ARHGEF3: variants seen among roughly 807,000 people sequenced by gnomAD.
The protein encoded by ARHGEF3 is 59.8 kDA protein.
In ARHGEF3, 28 loss-of-function variants were observed where a neutral mutation model predicts 63.2. The observed-to-expected ratio is 0.44, with a 90% CI of 0.33 to 0.61. The LOEUF is 0.61. ARHGEF3 is among the 20% of genes least tolerant of loss of function. The pLI, the probability that ARHGEF3 is intolerant of heterozygous loss-of-function variation, is 0.03. For missense variants in ARHGEF3, 533 were observed against 659.3 expected, an observed-to-expected ratio of 0.81 and a Z score of 2.10; for synonymous variants, 266 against 254.2, an observed-to-expected ratio of 1.05 and a Z score of -0.44.
At chr3:56,801,590 G>C (rs1366114427) in intron 1 of ARHGEF3, 113 bp downstream of exon 1, 3 of 1,354,450 alleles carry the variant, frequency 2.2e-6, no homozygotes, top group Non-Finnish European at 3.0e-6. Flanking sequence ...CACACGGAGA[G>C]TGAGAGATGG....
chr3:56,901,426 GTAC>G (rs2041502944), intron 3 of ARHGEF3, among the ~76,000 whole-genome samples: 1 of 151,330 alleles, frequency 6.6e-6, no homozygotes, highest in Non-Finnish European at 1.5e-5. Context: ...ATACGTATAT[GTAC>G]ATATATATAC....
At chr3:57,063,140 A>G (rs983660169) in intron 1 of ARHGEF3, among the ~76,000 whole-genome samples, 4 of 152,212 alleles carry the variant, frequency 2.6e-5, no homozygotes, top group African/African-American at 9.6e-5. Context: ...CATTTTGGGC[A>G]GCGGGAATAG....
chr3:56,968,305 T>A (rs1366256303), intron 2 of ARHGEF3, among the ~76,000 whole-genome samples: 6 of 57,810 alleles, frequency 1.0e-4, no homozygotes, highest in South Asian at 8.7e-4. Context: ...TAATATATAA[T>A]ATATATAAAA....
At chr3:56,775,090 A>T (rs1361780064) in intron 1 of ARHGEF3, 1 of 1,551,170 alleles carries the variant, frequency 6.4e-7, no homozygotes, top group Non-Finnish European at 8.7e-7. Flanking sequence ...AAAGTAGCCA[A>T]TTGTGGTGGC....
At chr3:56,790,896 C>G (rs1464639630) in intron 1 of ARHGEF3, among the ~76,000 whole-genome samples, 1 of 152,150 alleles carries the variant, frequency 6.6e-6, no homozygotes, top group Non-Finnish European at 1.5e-5. Flanking sequence ...CATGGCAAGT[C>G]CAAAACATTC....
Position 57,059,865 on chromosome 3 carries a change from A to G in ARHGEF3, c.-28+19361T>C, listed in dbSNP as rs149476198. 0.013 allele frequency among the ~76,000 whole-genome samples: 1,971 copies of G among 152,166 alleles called. 93 individuals are homozygous for G. The East Asian group carries it at 0.16, about 12-fold the overall frequency. Reference sequence around the variant, plus strand: ...TACAAAAGTAGCCAGGCATGGTGGCACATGCCTGTAATCCCAGCTACTCGG... The same window carrying G: ...TACAAAAGTAGCCAGGCATGGTGGCGCATGCCTGTAATCCCAGCTACTCGG... On this transcript the variant is annotated intron_variant, in intron 1 of 12. Transcript: ENST00000338458.
chr3:57,011,571 C>T (rs1372422645), intron 2 of ARHGEF3, among the ~76,000 whole-genome samples: 4 of 152,102 alleles, frequency 2.6e-5, no homozygotes, highest in Non-Finnish European at 5.9e-5. Flanking sequence ...CACCTTCCCC[C>T]GCCACCCACA....
intron 3 of ARHGEF3, among the ~76,000 whole-genome samples, chr3:56,941,341 G>A (rs1415909773): frequency 1.3e-5 from 2 of 152,192 alleles, no homozygotes; most frequent in Non-Finnish European, 1.5e-5. Context: ...CCAAGCAGCT[G>A]GGGTCCCAGG....
chr3:56,934,962 C>A (rs1218478652), intron 3 of ARHGEF3, among the ~76,000 whole-genome samples: 2 of 152,262 alleles, frequency 1.3e-5, no homozygotes, highest in Non-Finnish European at 2.9e-5. Flanking sequence ...GTCTTTATGT[C>A]TAGCTCAGGG....
intron 2 of ARHGEF3, among the ~76,000 whole-genome samples, chr3:57,010,321 T>C (rs1702640612): frequency 6.6e-6 from 1 of 152,038 alleles, no homozygotes; most frequent in South Asian, 2.1e-4. Context: ...CCGGGCGTGG[T>C]GGCGGGTGCC....
rs528418469 is a variant in ARHGEF3, at chr3:56,866,735, G to A, written c.192+15557C>T. ...TATGTTGATTGATAACTCCTTACAAGCATCTTTCATTCTGTAACCACATGG... is the reference window on the plus strand; with the variant it reads ...TATGTTGATTGATAACTCCTTACAAACATCTTTCATTCTGTAACCACATGG... On this transcript the variant is annotated intron_variant, in intron 4 of 12. Coordinates refer to the ARHGEF3 transcript ENST00000338458. Among the ~76,000 whole-genome samples, 8 of 152,304 alleles carry A rather than the reference G, an allele frequency of 5.3e-5. No homozygotes were observed. In the South Asian group the frequency reaches 1.7e-3, roughly 32 times the overall value.
chr3:56,762,618 A>G (rs1379809575), intron 2 of ARHGEF3, among the ~76,000 whole-genome samples: 1 of 152,176 alleles, frequency 6.6e-6, no homozygotes, highest in Admixed American at 6.5e-5. Flanking sequence ...CCCTTTTCCA[A>G]AAACCATTTT....
intron 3 of ARHGEF3, among the ~76,000 whole-genome samples, chr3:56,887,791 C>G (rs191692294): frequency 6.4e-4 from 98 of 152,266 alleles, no homozygotes; most frequent in East Asian, 6.0e-3. Context: ...TCGGTGAGCC[C>G]AATAATTGTG....
At chr3:57,071,036 T>C (rs1240573930) in intron 1 of ARHGEF3, among the ~76,000 whole-genome samples, 1 of 150,936 alleles carries the variant, frequency 6.6e-6, no homozygotes, top group African/African-American at 2.4e-5. Flanking sequence ...GGAGGATTCA[T>C]ACTTCCTGAT....
chr3:56,914,638 AC>A (rs1230162241), intron 3 of ARHGEF3, among the ~76,000 whole-genome samples: 1 of 152,136 alleles, frequency 6.6e-6, no homozygotes, highest in Non-Finnish European at 1.5e-5. Context: ...ACGCAATATT[AC>A]CACCATGTAC....
chr3:56,994,409 C>T (rs1283488264), intron 2 of ARHGEF3, among the ~76,000 whole-genome samples: 4 of 152,096 alleles, frequency 2.6e-5, no homozygotes, highest in South Asian at 2.1e-4. Flanking sequence ...ATATAACTTA[C>T]GGAGAATTTA....
At chr3:56,946,278 G>A (rs56300938) in intron 3 of ARHGEF3, among the ~76,000 whole-genome samples, 17,586 of 152,212 alleles carry the variant, frequency 0.12, 1,280 homozygotes, top group East Asian at 0.25. Context: ...GCTGGATGGA[G>A]AATGACTTTG....
chr3:56,809,947 G>A (rs1240006415), intron 4 of ARHGEF3, among the ~76,000 whole-genome samples: 1 of 151,964 alleles, frequency 6.6e-6, no homozygotes, highest in Non-Finnish European at 1.5e-5. Flanking sequence ...GGGTCAGGCT[G>A]GTCTCGAACT....
chr3:56,996,523 A>G (rs1224412303), intron 2 of ARHGEF3, among the ~76,000 whole-genome samples: 6 of 152,154 alleles, frequency 3.9e-5, no homozygotes, highest in Non-Finnish European at 7.3e-5. Flanking sequence ...TTTCCTTTCC[A>G]TCTCATGAGG....
Sources: gnomAD v4.1 joint callset for allele counts (sites outside exome capture counted in the v4.1 genomes callset) on GRCh38, gnomAD v4.1.1 for gene constraint, MANE v1.5 for transcripts, NCBI Gene and HGNC (gene_info 2026-07-23, HGNC 2026-07-21) for gene names.